The following FMN2 variants were observed in gnomAD, a reference collection of about 807,000 sequenced individuals.
FMN2 encodes the protein formin-2.
In FMN2, 51 loss-of-function variants were observed where a neutral mutation model predicts 142.3. The ratio of observed to expected loss-of-function variants is 0.36; its 90% CI spans 0.29 to 0.45. FMN2 has a LOEUF of 0.45. Among genes scored for constraint, FMN2 ranks in the 20% least tolerant of loss-of-function variants. The probability of loss-of-function intolerance (pLI) is 1.00; values close to 1 mark genes in which losing one functional copy is unlikely to be tolerated. For synonymous variants in FMN2, 882 were observed against 869.8 expected, an observed-to-expected ratio of 1.01 and a Z score of -0.25; for missense variants, 1,936 against 2,122.8, an observed-to-expected ratio of 0.91 and a Z score of 1.73.
intron 1 of FMN2, among the ~76,000 whole-genome samples, chr1:240,116,697 A>G (rs1662036864): frequency 6.6e-6 from 1 of 152,044 alleles, no homozygotes; most frequent in South Asian, 2.1e-4. Flanking sequence ...CTGAGGCTGC[A>G]GTGAGTTATG....
intron 7 of FMN2, among the ~76,000 whole-genome samples, chr1:240,270,288 G>A (rs1188722649): frequency 6.6e-6 from 1 of 152,096 alleles, no homozygotes; most frequent in Non-Finnish European, 1.5e-5. Flanking sequence ...CATACTGTTG[G>A]TGGAATGTAA....
chr1:240,429,482 T>G (rs1436001123), intron 15 of FMN2, among the ~76,000 whole-genome samples: 1 of 152,206 alleles, frequency 6.6e-6, no homozygotes, highest in Non-Finnish European at 1.5e-5. Flanking sequence ...GAGGCGTAAT[T>G]TGTAAACATT....
intron 6 of FMN2, 75 bp from the exon 7 acceptor site, chr1:240,257,869 AG>A: frequency 1.7e-6 from 2 of 1,188,216 alleles, no homozygotes; most frequent in South Asian, 2.6e-5. Context: ...TTCTTCATTT[AG>A]GATTTTTTAA....
chr1:240,425,204 TGAGA>T (rs142399934), intron 15 of FMN2, among the ~76,000 whole-genome samples: 1,539 of 134,916 alleles, frequency 0.011, 28 homozygotes, highest in African/African-American at 0.039. Flanking sequence ...TTGAATGAGG[TGAGA>T]GAGAGAGAGA....
intron 16 of FMN2, among the ~76,000 whole-genome samples, chr1:240,466,570 G>T (rs1469548800): frequency 6.6e-6 from 1 of 152,112 alleles, no homozygotes; most frequent in Non-Finnish European, 1.5e-5. Context: ...CTCACCAAAT[G>T]CTTCACACCT....
chr1:240,145,365 C>T (rs1012377400), intron 2 of FMN2: 4 of 621,304 alleles, frequency 6.4e-6, no homozygotes, highest in African/African-American at 5.5e-5. Context: ...TCCCATCCTC[C>T]CTCCTCCATC....
In FMN2 at chr1:240,474,733, A is replaced by G. The variant is rs900147523; in HGVS notation, c.*579A>G. ...AATGGTCATTTTTTTTACTGAAGTC[A>G]TATAATGACTTGGGTCAGCTCGTAA... On this transcript the variant is annotated 3_prime_UTR_variant, in exon 18 of 18. Coordinates refer to ENST00000319653, the MANE Select transcript of FMN2 (RefSeq NM_020066.5). The G allele has an allele frequency of 2.0e-5, 3 of 152,512 alleles. No individual in the cohort carries two copies. Among genetic ancestry groups the G allele is most frequent in the Non-Finnish European group, 2.9e-5 (2 of 68,018 alleles). 9.4% of individuals were successfully genotyped at this position (152,512 alleles called of 1,614,324 possible).
chr1:240,452,047 C>T (rs909449595), intron 16 of FMN2, among the ~76,000 whole-genome samples: 8 of 151,886 alleles, frequency 5.3e-5, no homozygotes, highest in African/African-American at 7.3e-5. Flanking sequence ...AAAAATTAGC[C>T]AGGTGTGGTG....
intron 16 of FMN2, among the ~76,000 whole-genome samples, chr1:240,460,126 C>G (rs1036161120): frequency 6.6e-6 from 1 of 152,162 alleles, no homozygotes; most frequent in South Asian, 2.1e-4. Flanking sequence ...CAAAGATGAA[C>G]GCTATAGCCC....
chr1:240,167,304 G>C (rs201437783), intron 2 of FMN2, among the ~76,000 whole-genome samples: 3 of 151,542 alleles, frequency 2.0e-5, no homozygotes, highest in East Asian at 1.9e-4. Flanking sequence ...TTTTGGGTGG[G>C]GGGGACAGAA....
At chr1:240,144,620 AG>A in intron 2 of FMN2, 1 of 1,292,232 alleles carries the variant, frequency 7.7e-7, no homozygotes, top group Admixed American at 1.7e-5. Flanking sequence ...GAACACACCC[AG>A]GGCACAACGC....
chr1:240,170,476 T>A, intron 2 of FMN2: 1 of 1,431,822 alleles, frequency 7.0e-7, no homozygotes, highest in Non-Finnish European at 9.9e-7. Flanking sequence ...AATGCAAATT[T>A]TGTCTAAATC....
intron 7 of FMN2, among the ~76,000 whole-genome samples, chr1:240,270,582 T>C (rs549702870): frequency 1.3e-5 from 2 of 152,084 alleles, no homozygotes; most frequent in African/African-American, 4.8e-5. Context: ...AGCCATGAAA[T>C]GGAAACAACC....
chr1:240,142,717 T>C lies in FMN2; in HGVS notation c.1782+19372T>C. The stretch of plus-strand genomic sequence containing the variant: ...CGAAGGATAACAAAACTTTCCAGAA[T>C]GGGGGTAACAGGAAGAAACTCCTCA... On this transcript the variant is annotated intron_variant, in intron 2 of 17. Coordinates refer to ENST00000319653, the MANE Select transcript of FMN2 (RefSeq NM_020066.5). 5.0e-6 allele frequency: 8 copies of C among 1,611,200 alleles called. No individual in the cohort carries two copies. The South Asian group carries it at 8.8e-5, about 18-fold the overall frequency.
intron 11 of FMN2, among the ~76,000 whole-genome samples, chr1:240,332,376 A>C (rs74151637): frequency 2.0e-5 from 3 of 150,384 alleles, no homozygotes; most frequent in Middle Eastern, 3.2e-3. Flanking sequence ...CTCAAAAAAA[A>C]AAAGAAAGAA....
chr1:240,360,576 AG>A (rs1343861058), intron 14 of FMN2, among the ~76,000 whole-genome samples: 3 of 152,188 alleles, frequency 2.0e-5, no homozygotes, highest in Non-Finnish European at 4.4e-5. Context: ...AACCATAAGA[AG>A]GGTGCTAAAT....
chr1:240,341,429 T>A (rs1244894236), intron 13 of FMN2: 1 of 152,154 alleles, frequency 6.6e-6, no homozygotes, highest in Non-Finnish European at 1.5e-5. Context: ...ATTGAACTGC[T>A]CGTTCTATTC....
At chr1:240,266,085 T>C (rs1668791055) in intron 7 of FMN2, among the ~76,000 whole-genome samples, 1 of 151,502 alleles carries the variant, frequency 6.6e-6, no homozygotes, top group Non-Finnish European at 1.5e-5. Flanking sequence ...AGGTTTGTTA[T>C]CTGGGTATAT....
chr1:240,389,780 C>T (rs1417709229), intron 14 of FMN2, among the ~76,000 whole-genome samples: 1 of 152,066 alleles, frequency 6.6e-6, no homozygotes, highest in Non-Finnish European at 1.5e-5. Flanking sequence ...AGCGAGACCT[C>T]CATCTCTACA....
Sources: gnomAD v4.1 joint callset for allele counts (sites outside exome capture counted in the v4.1 genomes callset) on GRCh38, gnomAD v4.1.1 for gene constraint, MANE v1.5 for transcripts, NCBI Gene and HGNC (gene_info 2026-07-23, HGNC 2026-07-21) for gene names.